Variants in HGD observed in about 807,000 individuals in gnomAD.
HGD encodes the protein homogentisate 1,2-dioxygenase, also known as homogentisate oxidase.
Under a neutral mutation model 60.8 loss-of-function variants are expected in HGD, and 61 were observed. That is an observed-to-expected ratio of 1.00 (90% confidence interval 0.82 to 1.24). HGD has a LOEUF of 1.24. Among genes scored for constraint, HGD ranks in the 50% most tolerant of loss-of-function variants. The probability of loss-of-function intolerance (pLI) is 0.00; values close to 1 mark genes in which losing one functional copy is unlikely to be tolerated. For missense variants in HGD, 542 were observed against 547.1 expected (o/e 0.99, Z 0.09); for synonymous variants, 212 against 187.7 (o/e 1.13, Z -1.06).
At chr3:120,677,556 C>T (rs1327099252) in intron 1 of HGD, among the ~76,000 whole-genome samples, 3 of 152,196 alleles carry the variant, frequency 2.0e-5, no homozygotes, top group Non-Finnish European at 4.4e-5. Context: ...AACCCTGTCT[C>T]CTGATAAGAT....
At chr3:120,664,192 C>T (rs141563461) in intron 4 of HGD, among the ~76,000 whole-genome samples, 7 of 151,956 alleles carry the variant, frequency 4.6e-5, no homozygotes, top group African/African-American at 1.2e-4. Flanking sequence ...AAGAGAGAAG[C>T]CAACAATCAA....
chr3:120,662,109 G>T (rs1707786204), intron 4 of HGD, among the ~76,000 whole-genome samples: 1 of 152,192 alleles, frequency 6.6e-6, no homozygotes. Context: ...CTGATAGGTA[G>T]GGGACATGGA....
intron 4 of HGD, among the ~76,000 whole-genome samples, chr3:120,657,537 T>C (rs112769954): frequency 0.012 from 1,887 of 152,210 alleles, 46 homozygotes; most frequent in African/African-American, 0.042. Flanking sequence ...GACAGACATA[T>C]CATTAGAAGT....
chr3:120,640,877 G>T (rs4676810), intron 11 of HGD, among the ~76,000 whole-genome samples: 168 of 152,074 alleles, frequency 1.1e-3, no homozygotes, highest in Non-Finnish European at 2.2e-3. Flanking sequence ...TCTGACTTCT[G>T]CTCTAATTAT....
chr3:120,639,277 C>T (rs1207969603), intron 11 of HGD, among the ~76,000 whole-genome samples: 2 of 152,080 alleles, frequency 1.3e-5, no homozygotes, highest in East Asian at 1.9e-4. Flanking sequence ...ATGTTTAGCT[C>T]CCACTTATAA....
chr3:120,679,138 C>A (rs1233331690), intron 1 of HGD, among the ~76,000 whole-genome samples: 4 of 152,178 alleles, frequency 2.6e-5, no homozygotes, highest in Non-Finnish European at 5.9e-5. Context: ...ACTTCAGTAC[C>A]ATCAGCTCTT....
Position 120,675,811 on chromosome 3 carries a change from C to T in HGD, c.68G>A (p.Gly23Asp), listed in dbSNP as rs1467004951. ...TCATACCTGTCCTTCTGGCAGGGAA[C>T]CTGGGCAGCGAGGATCCTCTGAAGA... ...ECSSEDPRCP[G>D]SLPEGQNNPQ... Residue 23 changes from glycine (G) to aspartate (D), a missense_variant, in exon 2 of 14, where the codon GGT becomes GAT. Gly to Asp is a moderately conservative substitution (Grantham distance 94). Coordinates refer to ENST00000283871, the MANE Select transcript of HGD (RefSeq NM_000187.4). The T allele has an allele frequency of 6.8e-6, 11 of 1,613,480 alleles. No individual in the cohort carries two copies. The highest frequency in any genetic ancestry group is 1.1e-5 in the South Asian group (1 of 91,082).
chr3:120,636,231 G>A (rs1443947954), intron 12 of HGD, among the ~76,000 whole-genome samples: 3 of 150,812 alleles, frequency 2.0e-5, no homozygotes, highest in African/African-American at 7.3e-5. Flanking sequence ...AGTGAGCTGA[G>A]ATTGTGCCAC....
At chr3:120,657,609 A>G (rs1331236891) in intron 4 of HGD, among the ~76,000 whole-genome samples, 1 of 152,178 alleles carries the variant, frequency 6.6e-6, no homozygotes, top group South Asian at 2.1e-4. Context: ...CATAGTGTAC[A>G]TATTAGTCTG....
At chr3:120,679,053 T>C (rs959340050) in intron 1 of HGD, among the ~76,000 whole-genome samples, 1 of 152,260 alleles carries the variant, frequency 6.6e-6, no homozygotes, top group Non-Finnish European at 1.5e-5. Flanking sequence ...GACAGAAAAA[T>C]ATGATTTCAT....
chr3:120,673,567 A>G (rs189994128), intron 3 of HGD, among the ~76,000 whole-genome samples: 35 of 152,324 alleles, frequency 2.3e-4, no homozygotes, highest in African/African-American at 8.2e-4. Flanking sequence ...TTTGACATGT[A>G]TAGAAATCTT....
At chr3:120,674,557 A>G (rs1399215033) in intron 3 of HGD, 7 of 297,746 alleles carry the variant, frequency 2.4e-5, no homozygotes, top group Non-Finnish European at 3.3e-5. Flanking sequence ...TTATAAAACA[A>G]AACAAAACAG....
chr3:120,649,535 C>T lies in HGD; in HGVS notation c.434+1239G>A, dbSNP rs1350984576. On this transcript the variant is annotated intron_variant, in intron 6 of 13. Coordinates refer to ENST00000283871, the MANE Select transcript of HGD (RefSeq NM_000187.4). ...GGAGGTGTATTCTAAATGGTCTACT[C>T]CATTGTTTTTTCTCCCCAAATTTAG... Among the ~76,000 whole-genome samples, 6 of 152,078 alleles carry T rather than the reference C, an allele frequency of 3.9e-5. No individual in the cohort carries two copies. The South Asian group carries it at 1.2e-3, about 32-fold the overall frequency.
chr3:120,649,553 A>C (rs1207656759), intron 6 of HGD, among the ~76,000 whole-genome samples: 2 of 151,912 alleles, frequency 1.3e-5, no homozygotes, highest in Non-Finnish European at 2.9e-5. Flanking sequence ...TTTTCTCCCC[A>C]AATTTAGCTC....
rs549734370 is a variant in HGD at position 120,629,315 on chromosome 3, T to TC, written c.1189-787dup. Reference sequence around the variant, plus strand: ...ACCAAACCCTACAATTCTTATATGCTCACATTTGGAAATTTGTATAATACA... The same window carrying TC: ...ACCAAACCCTACAATTCTTATATGCTCCACATTTGGAAATTTGTATAATACA... On this transcript the variant is annotated intron_variant, in intron 13 of 13. Transcript: ENST00000283871. Among the ~76,000 whole-genome samples, 289 of 152,300 alleles carry TC rather than the reference T, an allele frequency of 1.9e-3. 1 individual carries two copies. The highest frequency in any genetic ancestry group is 2.5e-3 in the Non-Finnish European group (173 of 68,024).
chr3:120,628,260 T>A lies in HGD; in HGVS notation c.*120A>T. On this transcript the variant is annotated 3_prime_UTR_variant, in exon 14 of 14. Coordinates refer to ENST00000283871, the MANE Select transcript of HGD (RefSeq NM_000187.4). ...GTTTCCATAAAAGTTCTGAGTTACT[T>A]GACTATGAAAAGTGAATTTTCATTT... The A allele has an allele frequency of 8.8e-7, 1 of 1,142,374 alleles. No individual in the cohort carries two copies. The highest frequency in any genetic ancestry group is 1.3e-5 in the South Asian group (1 of 79,390). The allele number at this position is 1,142,374 out of a possible 1,614,324, so 70.8% of individuals were successfully genotyped here. A position where few individuals can be genotyped will look rare whatever the true frequency, so the allele number is the denominator to read the frequency against.
chr3:120,672,213 T>C (rs1708039146), intron 3 of HGD, among the ~76,000 whole-genome samples: 1 of 152,232 alleles, frequency 6.6e-6, no homozygotes, highest in Admixed American at 6.5e-5. Flanking sequence ...TGTTTTATTG[T>C]AGTACATTTA....
chr3:120,674,706 T>G, intron 3 of HGD, 195 bp downstream of exon 3: 1 of 572,850 alleles, frequency 1.7e-6, no homozygotes, highest in East Asian at 3.3e-5. Flanking sequence ...CAGCTTTCCT[T>G]CACCTTCTTC....
intron 4 of HGD, among the ~76,000 whole-genome samples, chr3:120,658,628 C>T (rs1363577303): frequency 2.0e-5 from 3 of 152,246 alleles, no homozygotes; most frequent in Non-Finnish European, 4.4e-5. Context: ...CATAGCTCCA[C>T]TAGGCAATGC....
Sources: allele counts gnomAD v4.1 joint callset (sites outside exome capture counted in the v4.1 genomes callset), GRCh38; gene constraint gnomAD v4.1.1; transcripts MANE v1.5; gene names NCBI Gene and HGNC (gene_info 2026-07-23, HGNC 2026-07-21).